Variants in AGBL4 observed in about 807,000 individuals in gnomAD.
The protein encoded by AGBL4 is cytosolic carboxypeptidase 6.
A neutral mutation model predicts 66.4 loss-of-function variants in AGBL4; 58 were observed. The ratio of observed to expected loss-of-function variants is 0.87; its 90% CI spans 0.71 to 1.09. AGBL4 has a LOEUF of 1.09. AGBL4 is among the 50% of genes least tolerant of loss of function. The pLI, the probability that AGBL4 is intolerant of heterozygous loss-of-function variation, is 0.00. For missense variants in AGBL4, 579 were observed against 631.0 expected, an observed-to-expected ratio of 0.92 and a Z score of 0.88; for synonymous variants, 234 against 222.9, an observed-to-expected ratio of 1.05 and a Z score of -0.44.
chr1:48,786,554 G>T (rs1645412067), intron 6 of AGBL4, among the ~76,000 whole-genome samples: 1 of 152,182 alleles, frequency 6.6e-6, no homozygotes, highest in Non-Finnish European at 1.5e-5. Context: ...CTATGGGAAA[G>T]TCCAGTATCT....
At chr1:49,356,825 G>T (rs1396766830) in intron 3 of AGBL4, among the ~76,000 whole-genome samples, 1 of 152,128 alleles carries the variant, frequency 6.6e-6, no homozygotes, top group Non-Finnish European at 1.5e-5. Context: ...GAGCTTTGTT[G>T]ATACCTGGCA....
chr1:48,708,507 G>GGA (rs1458822168), intron 6 of AGBL4, among the ~76,000 whole-genome samples: 2 of 152,166 alleles, frequency 1.3e-5, no homozygotes, highest in Non-Finnish European at 2.9e-5. Context: ...GGGATGACAG[G>GGA]GAGAGCCATG....
intron 3 of AGBL4, among the ~76,000 whole-genome samples, chr1:49,282,551 C>T (rs1301366167): frequency 6.6e-6 from 1 of 152,218 alleles, no homozygotes; most frequent in Non-Finnish European, 1.5e-5. Flanking sequence ...CTCCGGTCTA[C>T]AGCTCCCAGC....
At chr1:49,548,876 G>A (rs781096765) in intron 3 of AGBL4, among the ~76,000 whole-genome samples, 31 of 152,046 alleles carry the variant, frequency 2.0e-4, no homozygotes, top group Admixed American at 1.2e-3. Flanking sequence ...TTGAATGTCC[G>A]GTAGAATTCT....
At chr1:49,417,676 G>T (rs900142432) in intron 3 of AGBL4, among the ~76,000 whole-genome samples, 1 of 152,084 alleles carries the variant, frequency 6.6e-6, no homozygotes, top group African/African-American at 2.4e-5. Context: ...CTCATAATGT[G>T]TCCCATTCTT....
intron 7 of AGBL4, among the ~76,000 whole-genome samples, chr1:48,654,143 G>A (rs1436282464): frequency 6.6e-6 from 1 of 152,038 alleles, no homozygotes; most frequent in Non-Finnish European, 1.5e-5. Context: ...TTTTCCTACT[G>A]CCAGGCAGTC....
At chr1:48,733,516 A>G (rs1416817576) in intron 6 of AGBL4, among the ~76,000 whole-genome samples, 1 of 152,194 alleles carries the variant, frequency 6.6e-6, no homozygotes, top group Non-Finnish European at 1.5e-5. Flanking sequence ...AAATTTAAAA[A>G]CGGCTTGGAA....
intron 5 of AGBL4, among the ~76,000 whole-genome samples, chr1:49,036,801 A>G (rs908162667): frequency 5.7e-4 from 87 of 151,424 alleles, no homozygotes; most frequent in African/African-American, 2.1e-3. Flanking sequence ...GCCTCAAGCA[A>G]TGCTCTCAGT....
intron 3 of AGBL4, among the ~76,000 whole-genome samples, chr1:49,614,313 T>C (rs1010946116): frequency 5.3e-5 from 8 of 152,156 alleles, no homozygotes; most frequent in African/African-American, 1.7e-4. Context: ...TGGTATATAC[T>C]CTTTTTTTCT....
At chr1:49,564,973 T>C (rs982491585) in intron 3 of AGBL4, among the ~76,000 whole-genome samples, 6 of 152,212 alleles carry the variant, frequency 3.9e-5, no homozygotes, top group Non-Finnish European at 8.8e-5. Context: ...AGGACTTGCT[T>C]TATGAATCTG....
At position 49,919,908 on chromosome 1, in the gene AGBL4, A is replaced by C. The variant is rs1432241498; in HGVS notation, c.35-68390T>G. Among the ~76,000 whole-genome samples, 3 of 152,258 alleles carry C rather than the reference A, an allele frequency of 2.0e-5. No homozygotes were observed. The East Asian group carries it at 5.8e-4, about 29-fold the overall frequency. On this transcript the variant is annotated intron_variant, in intron 1 of 13. Coordinates refer to ENST00000371839, the MANE Select transcript of AGBL4 (RefSeq NM_032785.4). ...AAACAGAGATATAGATCAATGGAAC[A>C]GAACAGAGTCCTCAGAAATAATACC...
intron 3 of AGBL4, among the ~76,000 whole-genome samples, chr1:49,603,527 AAAATAAATAAATAAATAAAT>A (rs59509776): frequency 2.6e-4 from 37 of 140,650 alleles, no homozygotes; most frequent in African/African-American, 7.1e-4. Flanking sequence ...TCCATCTCAA[AAAATAAATAAATAAATAAAT>A]AAATAAATAA....
At chr1:49,469,692 A>G (rs1326782881) in intron 3 of AGBL4, 4 of 151,950 alleles carry the variant, frequency 2.6e-5, no homozygotes, top group Non-Finnish European at 5.9e-5. Flanking sequence ...ACAGAAAGTT[A>G]AAATTATCAT....
chr1:48,952,118 T>C (rs1240267876), intron 5 of AGBL4, among the ~76,000 whole-genome samples: 1 of 152,244 alleles, frequency 6.6e-6, no homozygotes, highest in African/African-American at 2.4e-5. Flanking sequence ...TGAAAGTTAA[T>C]AAAGCAATAA....
chr1:49,200,098 G>A (rs996740984), intron 4 of AGBL4, among the ~76,000 whole-genome samples: 3 of 152,090 alleles, frequency 2.0e-5, no homozygotes, highest in South Asian at 2.1e-4. Flanking sequence ...CTTGGGTAAA[G>A]GCATGAAAAC....
intron 4 of AGBL4, among the ~76,000 whole-genome samples, chr1:49,180,636 G>C (rs1646914346): frequency 1.3e-5 from 2 of 152,156 alleles, no homozygotes; most frequent in Non-Finnish European, 2.9e-5. Flanking sequence ...TAGTACAGAA[G>C]ATACTGATCC....
At chr1:48,944,448 A>G (rs565004729) in intron 5 of AGBL4, among the ~76,000 whole-genome samples, 71 of 152,294 alleles carry the variant, frequency 4.7e-4, no homozygotes, top group South Asian at 3.9e-3. Flanking sequence ...CTACTTCAGC[A>G]CCATAGACTG....
At chr1:48,672,142 C>T (rs561537929) in intron 6 of AGBL4, among the ~76,000 whole-genome samples, 1 of 152,224 alleles carries the variant, frequency 6.6e-6, no homozygotes, top group African/African-American at 2.4e-5. Context: ...TTGGCTTTGA[C>T]AAATGACTTC....
At chr1:48,672,231 C>G (rs1157047036) in intron 6 of AGBL4, among the ~76,000 whole-genome samples, 1 of 152,248 alleles carries the variant, frequency 6.6e-6, no homozygotes, top group Non-Finnish European at 1.5e-5. Context: ...TCCTGCTTTC[C>G]TGGCAATGCA....
Sources: gnomAD v4.1 joint callset for allele counts (sites outside exome capture counted in the v4.1 genomes callset) on GRCh38, gnomAD v4.1.1 for gene constraint, MANE v1.5 for transcripts, NCBI Gene and HGNC (gene_info 2026-07-23, HGNC 2026-07-21) for gene names.